PLEKHA7: variants seen among roughly 807,000 people sequenced by gnomAD.
PLEKHA7 encodes the protein pleckstrin homology domain-containing family A member 7.
A neutral mutation model predicts 170.0 loss-of-function variants in PLEKHA7; 104 were observed. That is an observed-to-expected ratio of 0.61 (90% CI 0.52 to 0.72). The LOEUF (loss-of-function observed/expected upper bound fraction) is 0.72, where lower values mean the gene tolerates loss of function less well. PLEKHA7 is among the 30% of genes least tolerant of loss of function. The probability of loss-of-function intolerance (pLI) is 0.00; values close to 1 mark genes in which losing one functional copy is unlikely to be tolerated. For synonymous variants in PLEKHA7, 648 were observed against 660.8 expected (o/e 0.98, Z 0.30); for missense variants, 1,615 against 1,671.7 (o/e 0.97, Z 0.59).
intron 3 of PLEKHA7, among the ~76,000 whole-genome samples, chr11:16,965,484 CTT>C (rs1862318165): frequency 6.6e-6 from 1 of 152,192 alleles, no homozygotes; most frequent in Admixed American, 6.5e-5. Context: ...GTGCCTGACA[CTT>C]CTCTATTGCC....
chr11:16,945,279 C>T (rs570318652), intron 3 of PLEKHA7, among the ~76,000 whole-genome samples: 30 of 152,286 alleles, frequency 2.0e-4, no homozygotes, highest in African/African-American at 7.0e-4. Flanking sequence ...TGAAGTAGGT[C>T]TATATAATGC....
intron 3 of PLEKHA7, among the ~76,000 whole-genome samples, chr11:16,907,018 CG>C (rs1238715720): frequency 5.4e-5 from 8 of 148,946 alleles, no homozygotes; most frequent in African/African-American, 7.6e-5. Flanking sequence ...GCAACCGCCC[CG>C]TCTGAGAAGT....
intron 3 of PLEKHA7, among the ~76,000 whole-genome samples, chr11:16,958,539 G>A (rs1216087461): frequency 6.6e-6 from 1 of 152,168 alleles, no homozygotes; most frequent in Admixed American, 6.5e-5. Flanking sequence ...TCTGGATGGA[G>A]GAATAATTAG....
intron 4 of PLEKHA7, among the ~76,000 whole-genome samples, chr11:16,867,641 C>G (rs1465787802): frequency 6.6e-6 from 1 of 152,144 alleles, no homozygotes; most frequent in East Asian, 1.9e-4. Context: ...AGAGCTTCCC[C>G]AGGAGGTAAA....
intron 3 of PLEKHA7, among the ~76,000 whole-genome samples, chr11:16,913,751 G>T (rs1382582862): frequency 1.3e-5 from 2 of 152,210 alleles, no homozygotes; most frequent in East Asian, 1.9e-4. Flanking sequence ...CAAGTGAGCA[G>T]CAAGGAGGCA....
At position 16,813,157 on chromosome 11, in the gene PLEKHA7, T is replaced by G; in HGVS notation, c.1963A>C (p.Thr655Pro). Reference sequence around the variant, plus strand: ...AGGTCTTTCTTCAGCTGGAGGTAGGTATCATCAGCCTTCAAATGAAGCAGA... The same window carrying G: ...AGGTCTTTCTTCAGCTGGAGGTAGGGATCATCAGCCTTCAAATGAAGCAGA... ...PSLHGKSADDTYLQLKKDLEY... is the reference protein window; with the variant it reads ...PSLHGKSADDPYLQLKKDLEY... The change falls in exon 13 of 27, where the codon ACC becomes CCC. Residue 655 changes from threonine to proline, a missense_variant. Coordinates refer to ENST00000531066, the MANE Select transcript of PLEKHA7 (RefSeq NM_001329630.2). 1 of 1,613,444 alleles carries G rather than the reference T, an allele frequency of 6.2e-7. No individual in the cohort carries two copies. Among genetic ancestry groups the G allele is most frequent in the Non-Finnish European group, 8.5e-7 (1 of 1,179,438 alleles).
intron 17 of PLEKHA7, among the ~76,000 whole-genome samples, chr11:16,799,766 G>T (rs114984369): frequency 1.4e-3 from 213 of 152,264 alleles, no homozygotes; most frequent in African/African-American, 4.9e-3. Context: ...TGGATGAAGA[G>T]AAATTATGGG....
intron 3 of PLEKHA7, among the ~76,000 whole-genome samples, chr11:16,879,811 T>C (rs1287044996): frequency 6.6e-6 from 1 of 152,230 alleles, no homozygotes; most frequent in East Asian, 1.9e-4. Flanking sequence ...CTACATTTCA[T>C]TAGGTTCTCT....
At position 16,786,950 on chromosome 11, in the gene PLEKHA7, A is replaced by C. The variant is rs986856582; in HGVS notation, c.3358-563T>G. ...AGCTTGGAGCCAATGAGGCAGAAAAACTGCTGTATGAGACCCATCTATTTG... is the reference window on the plus strand; with the variant it reads ...AGCTTGGAGCCAATGAGGCAGAAAACCTGCTGTATGAGACCCATCTATTTG... On this transcript the variant is annotated intron_variant, in intron 23 of 26. Transcript: ENST00000531066. 5.1e-5 allele frequency: 50 copies of C among 985,346 alleles called. 1 individual carries two copies. The highest frequency in any genetic ancestry group is 6.0e-5 in the Non-Finnish European group (50 of 829,928). The allele number at this position is 985,346 out of a possible 1,614,324, so 61.0% of individuals were successfully genotyped here.
intron 3 of PLEKHA7, among the ~76,000 whole-genome samples, chr11:16,994,198 G>A (rs1472560360): frequency 6.6e-6 from 1 of 152,186 alleles, no homozygotes; most frequent in Non-Finnish European, 1.5e-5. Context: ...GGACTTCTGT[G>A]CACTGTGCAA....
intron 3 of PLEKHA7, among the ~76,000 whole-genome samples, chr11:16,959,233 C>A (rs1328051262): frequency 3.3e-5 from 4 of 119,924 alleles, no homozygotes; most frequent in Non-Finnish European, 5.9e-5. Context: ...CCCTCTCTCC[C>A]CCTCAGGTAG....
intron 26 of PLEKHA7, among the ~76,000 whole-genome samples, chr11:16,781,409 G>A (rs947382167): frequency 5.9e-5 from 9 of 152,186 alleles, no homozygotes; most frequent in Non-Finnish European, 1.3e-4. Flanking sequence ...ACCCCCTCAG[G>A]GTTAGAGCAA....
At chr11:16,805,684 G>A (rs2134465985) in intron 13 of PLEKHA7, among the ~76,000 whole-genome samples, 1 of 152,016 alleles carries the variant, frequency 6.6e-6, no homozygotes, top group East Asian at 1.9e-4. Context: ...CAGCTACTCG[G>A]GAGGTTGAGG....
chr11:17,002,286 C>G (rs962124868), intron 3 of PLEKHA7, among the ~76,000 whole-genome samples: 1 of 152,146 alleles, frequency 6.6e-6, no homozygotes, highest in Non-Finnish European at 1.5e-5. Context: ...CGCCTGTAGT[C>G]GCAGCTACTC....
At chr11:17,014,228 G>C in intron 1 of PLEKHA7, 27 bp from the exon 2 acceptor site, 3 of 1,484,176 alleles carry the variant, frequency 2.0e-6, no homozygotes, top group Non-Finnish European at 2.7e-6. Flanking sequence ...GCACCTGTTA[G>C]CGCCGCCACA....
chr11:16,907,366 G>A (rs1327439217), intron 3 of PLEKHA7, among the ~76,000 whole-genome samples: 50 of 105,222 alleles, frequency 4.8e-4, no homozygotes, highest in Non-Finnish European at 7.8e-4. Flanking sequence ...CCGGCCAGCC[G>A]CCCCATCCGG....
In PLEKHA7 at chr11:16,789,916, G is replaced by T; in HGVS notation, c.3053-38C>A. ...AGAGAAGTGCAAGCATGTTTGTGCT[G>T]GGGTGGATGGGTCCCTGCTTCTCCC... On this transcript the variant is annotated intron_variant, in intron 21 of 26. Transcript: ENST00000531066. This position sits in a 1 kb window ranked among gnomAD's most constrained non-coding sequence, Gnocchi z 4.6. 6.4e-7 allele frequency: 1 copy of T among 1,554,476 alleles called. No individual in the cohort carries two copies.
intron 3 of PLEKHA7, among the ~76,000 whole-genome samples, chr11:16,999,651 A>G (rs536950986): frequency 2.0e-5 from 3 of 152,236 alleles, no homozygotes; most frequent in Non-Finnish European, 4.4e-5. Flanking sequence ...GACTTTAGAC[A>G]GATGTTCTTC....
At chr11:16,892,447 T>G (rs1435727465) in intron 3 of PLEKHA7, among the ~76,000 whole-genome samples, 2 of 145,534 alleles carry the variant, frequency 1.4e-5, no homozygotes, top group African/African-American at 5.0e-5. Context: ...TTGTTTTGTT[T>G]TGTTTTGTTT....
Sources: allele counts gnomAD v4.1 joint callset (sites outside exome capture counted in the v4.1 genomes callset), GRCh38; gene constraint gnomAD v4.1.1; non-coding constraint Gnocchi (gnomAD v3.1); transcripts MANE v1.5; gene names NCBI Gene and HGNC (gene_info 2026-07-23, HGNC 2026-07-21).